The following RAPGEF1 variants were observed in gnomAD, a reference collection of about 807,000 sequenced individuals.
The protein encoded by RAPGEF1 is CRK SH3-binding GNRP.
In RAPGEF1, 33 loss-of-function variants were observed where a neutral mutation model predicts 143.3. The observed-to-expected ratio is 0.23, with a 90% CI of 0.17 to 0.31. RAPGEF1 has a LOEUF of 0.31. RAPGEF1 is among the 10% of genes least tolerant of loss of function. The pLI, the probability that RAPGEF1 is intolerant of heterozygous loss-of-function variation, is 1.00. For missense variants in RAPGEF1, 1,199 were observed against 1,645.4 expected, an observed-to-expected ratio of 0.73 and a Z score of 4.69; for synonymous variants, 629 against 676.5, an observed-to-expected ratio of 0.93 and a Z score of 1.09.
chr9:131,685,987 TG>T lies in RAPGEF1; in HGVS notation c.62-35039del, dbSNP rs1238327481. Reference sequence around the variant, plus strand: ...GGGTCAGATGGAGAGGCGAGGTGACTGCTTCTTCAGTTCCTTCATGCGTTCT... The same window carrying T: ...GGGTCAGATGGAGAGGCGAGGTGACTCTTCTTCAGTTCCTTCATGCGTTCT... On this transcript the variant is annotated intron_variant, in intron 1 of 26. Transcript: ENST00000683357. Among the ~76,000 whole-genome samples, 582 of 152,328 alleles carry T rather than the reference TG, an allele frequency of 3.8e-3. 7 individuals are homozygous for T. Among genetic ancestry groups the T allele is most frequent in the African/African-American group, 0.013 (561 of 41,572 alleles).
At chr9:131,625,690 C>T (rs1962784954) in intron 10 of RAPGEF1, among the ~76,000 whole-genome samples, 1 of 152,154 alleles carries the variant, frequency 6.6e-6, no homozygotes, top group African/African-American at 2.4e-5. Flanking sequence ...ACATGGAGAC[C>T]GGACCTGAGA....
In RAPGEF1 at chr9:131,626,237, G is replaced by C. The variant is rs1564559901; in HGVS notation, c.1387C>G (p.Pro463Ala). 6.2e-7 allele frequency: 1 copy of C among 1,613,920 alleles called. No individual in the cohort carries two copies. The highest frequency in any genetic ancestry group is 8.5e-7 in the Non-Finnish European group (1 of 1,179,838). Residue 463 changes from proline (P) to alanine (A), a missense_variant, in exon 10 of 27, where the codon CCA (proline) becomes GCA (alanine). Pro to Ala is a conservative substitution (Grantham distance 27). Coordinates refer to ENST00000683357, the MANE Select transcript of RAPGEF1 (RefSeq NM_001377935.1). ...GHPQPDGPLA[P>A]GQQTDTPPAL... ...GGTGGCGTATCTGTCTGCTGCCCTG[G>C]GGCCAGAGGTCCGTCTGGCTGGGGA... is the stretch of plus-strand genomic sequence containing the variant.
chr9:131,619,097 A>T lies in RAPGEF1; in HGVS notation c.2015T>A (p.Val672Asp), dbSNP rs1959886418. The part of the protein sequence containing the change: ...GSAAQGLSVS[V>D]SNSFLSRHGS... ...GTGCCGGCTGAGAAAGGAGTTAGAG[A>T]CGGACACACTGAGGCCCTGAGCGGC... The change falls in exon 12 of 27, where the codon GTC (valine) becomes GAC (aspartate). Residue 672 changes from valine to aspartate, a missense_variant. Physicochemically the swap from Val to Asp is radical, Grantham distance 152. Transcript: ENST00000683357. 2 of 1,355,128 alleles carry T rather than the reference A, an allele frequency of 1.5e-6. No homozygotes were observed. The highest frequency in any genetic ancestry group is 4.7e-5 in the East Asian group (1 of 21,468). The allele number at this position is 1,355,128 out of a possible 1,614,324, so 83.9% of individuals were successfully genotyped here. A position where few individuals can be genotyped will look rare whatever the true frequency, so the allele number is the denominator to read the frequency against.
Position 131,621,776 on chromosome 9 carries a change from C to G in RAPGEF1, c.1905+20G>C, listed in dbSNP as rs1392271501. On this transcript the variant is annotated intron_variant, in intron 11 of 26. Coordinates refer to ENST00000683357, the MANE Select transcript of RAPGEF1 (RefSeq NM_001377935.1). This position sits in a 1 kb window ranked among gnomAD's most constrained non-coding sequence, Gnocchi z 4.5. ...CTGCTAGGATCGGAAGTTCTAGTCA[C>G]AAGGGAAGGTGTCACTCACCAGCTG... 2 of 1,587,706 alleles carry G rather than the reference C, an allele frequency of 1.3e-6. No homozygotes were observed. The highest frequency in any genetic ancestry group is 1.7e-6 in the Non-Finnish European group (2 of 1,167,846).
rs139087625 is a variant in RAPGEF1, at chr9:131,630,128, C to T, written c.740+108G>A. The T allele has an allele frequency of 4.3e-4, 418 of 964,500 alleles. 1 individual carries two copies. In the African/African-American group the frequency reaches 5.1e-3, roughly 12 times the overall value. 59.7% of individuals were successfully genotyped at this position (964,500 alleles called of 1,614,324 possible). ...ACCACTGAAAAAGGAATATGGGCCT[C>T]CAGCAGCCCACCCTCATGCTGCCCA... On this transcript the variant is annotated intron_variant, in intron 6 of 26. Coordinates refer to ENST00000683357, the MANE Select transcript of RAPGEF1 (RefSeq NM_001377935.1).
chr9:131,713,109 CAA>C (rs577809804), intron 1 of RAPGEF1, among the ~76,000 whole-genome samples: 387 of 152,246 alleles, frequency 2.5e-3, no homozygotes, highest in African/African-American at 9.0e-3. Flanking sequence ...TGGGAAGAAT[CAA>C]AAGTGAACTG....
intron 5 of RAPGEF1, among the ~76,000 whole-genome samples, chr9:131,631,797 GA>G (rs1564577605): frequency 6.6e-6 from 1 of 152,094 alleles, no homozygotes; most frequent in African/African-American, 2.4e-5. Flanking sequence ...TGAACACGCC[GA>G]AAAAAATATC....
chr9:131,633,299 G>A (rs532945596), intron 5 of RAPGEF1, among the ~76,000 whole-genome samples: 1 of 152,322 alleles, frequency 6.6e-6, no homozygotes, highest in South Asian at 2.1e-4. Flanking sequence ...ACCGCCTGGA[G>A]GAGGGAGGAC....
Position 131,676,836 on chromosome 9 carries a change from G to A in RAPGEF1, c.62-25887C>T, listed in dbSNP as rs538591784. Among the ~76,000 whole-genome samples the A allele has an allele frequency of 2.0e-5, 3 of 152,298 alleles. No homozygotes were observed. The South Asian group carries it at 6.2e-4, about 32-fold the overall frequency. ...GCCTAGTCAGCGGTTCTCAAAGTGT[G>A]GTCCTGAACCAACAACGACGGCAGC... On this transcript the variant is annotated intron_variant, in intron 1 of 26. Transcript: ENST00000683357.
At position 131,629,149 on chromosome 9, in the gene RAPGEF1, G is replaced by C; in HGVS notation, c.846C>G (p.Val282=). ...CAGGCAGAGGAGGCTTGGGGGGCGC[G>C]ACCTCTTCATCCGTGGCATCTGGGA... ...ELLPDATDEE[V]APPKPPLPGI... is the part of the protein sequence containing the mutation. The change falls in exon 7 of 27, where the codon GTC becomes GTG. Residue 282 remains valine, a synonymous_variant. Transcript: ENST00000683357. 1 of 1,613,964 alleles carries C rather than the reference G, an allele frequency of 6.2e-7. No homozygotes were observed. The highest frequency in any genetic ancestry group is 8.5e-7 in the Non-Finnish European group (1 of 1,179,874).
chr9:131,602,941 T>C (rs567209309), intron 14 of RAPGEF1, among the ~76,000 whole-genome samples: 1 of 152,156 alleles, frequency 6.6e-6, no homozygotes, highest in Non-Finnish European at 1.5e-5. Flanking sequence ...AGTGTCACAG[T>C]GGAGGGAGAG....
chr9:131,726,227 T>C (rs1836658232), intron 1 of RAPGEF1, among the ~76,000 whole-genome samples: 1 of 152,210 alleles, frequency 6.6e-6, no homozygotes. Context: ...AAAGGACAAC[T>C]TGACGAGTCT....
chr9:131,634,585 C>T (rs11243458), intron 5 of RAPGEF1, among the ~76,000 whole-genome samples: 14,789 of 151,412 alleles, frequency 0.098, 1,091 homozygotes, highest in African/African-American at 0.2. Flanking sequence ...TGGTTGTACG[C>T]GCCTGTAATC....
intron 1 of RAPGEF1, among the ~76,000 whole-genome samples, chr9:131,661,516 C>G (rs958146441): frequency 1.3e-5 from 2 of 151,992 alleles, no homozygotes; most frequent in African/African-American, 4.8e-5. Flanking sequence ...GTTGGTTGTA[C>G]CAGTGTGTTC....
At chr9:131,627,757 T>C (rs921461268) in intron 9 of RAPGEF1, among the ~76,000 whole-genome samples, 156 bp downstream of exon 9, 1 of 152,164 alleles carries the variant, frequency 6.6e-6, no homozygotes, top group Non-Finnish European at 1.5e-5. Flanking sequence ...CTGTTATCCA[T>C]ATTTTGCAGA....
chr9:131,725,619 C>G (rs1836605144), intron 1 of RAPGEF1, among the ~76,000 whole-genome samples: 1 of 152,140 alleles, frequency 6.6e-6, no homozygotes. Flanking sequence ...CCACTGCACC[C>G]AGCTCTGTTT....
chr9:131,692,632 C>T (rs1025424421), intron 1 of RAPGEF1, among the ~76,000 whole-genome samples: 2 of 152,196 alleles, frequency 1.3e-5, no homozygotes, highest in Admixed American at 1.3e-4. Flanking sequence ...ACAGCTTTTC[C>T]CAAGACATCA....
chr9:131,679,799 T>C (rs12001816), intron 1 of RAPGEF1, among the ~76,000 whole-genome samples: 57,119 of 152,116 alleles, frequency 0.38, 10,867 homozygotes, highest in Middle Eastern at 0.47. Flanking sequence ...CAGCTTCTTG[T>C]TGGATATAGG....
intron 24 of RAPGEF1, among the ~76,000 whole-genome samples, 153 bp from the exon 25 acceptor site, chr9:131,582,855 T>C (rs1952084902): frequency 6.6e-6 from 1 of 152,164 alleles, no homozygotes; most frequent in African/African-American, 2.4e-5. Context: ...CAGCCAGGTG[T>C]GGGTCCTGGC....
Sources: allele counts gnomAD v4.1 joint callset (sites outside exome capture counted in the v4.1 genomes callset), GRCh38; gene constraint gnomAD v4.1.1; non-coding constraint Gnocchi (gnomAD v3.1); transcripts MANE v1.5; gene names NCBI Gene and HGNC (gene_info 2026-07-23, HGNC 2026-07-21).